Variants in SGCZ observed in about 807,000 individuals in gnomAD.
SGCZ encodes zeta-sarcoglycan.
A neutral mutation model predicts 41.3 loss-of-function variants in SGCZ; 40 were observed. The ratio of observed to expected loss-of-function variants is 0.97; its 90% CI spans 0.75 to 1.26. The LOEUF (loss-of-function observed/expected upper bound fraction) is 1.26. Among genes scored for constraint, SGCZ ranks in the 50% most tolerant of loss-of-function variants. The pLI is 0.00. For missense variants in SGCZ, 552 were observed against 369.8 expected (o/e 1.49, Z -4.04); for synonymous variants, 206 against 137.5 (o/e 1.50, Z -3.49).
chr8:14,392,341 A>G (rs1207939305), intron 2 of SGCZ, among the ~76,000 whole-genome samples: 1 of 152,172 alleles, frequency 6.6e-6, no homozygotes, highest in Non-Finnish European at 1.5e-5. Context: ...TGAAAAATTG[A>G]TTCTCAAATT....
intron 1 of SGCZ, among the ~76,000 whole-genome samples, chr8:15,052,028 G>T (rs972062353): frequency 6.6e-6 from 1 of 152,128 alleles, no homozygotes; most frequent in South Asian, 2.1e-4. Context: ...TCAAAGCTTG[G>T]ATGGTGAAGG....
In SGCZ at chr8:14,544,019, C is replaced by T. The variant is rs138450375; in HGVS notation, c.234+10713G>A. On this transcript the variant is annotated intron_variant, in intron 2 of 7. Coordinates refer to ENST00000382080, the MANE Select transcript of SGCZ (RefSeq NM_139167.4). ...ACCTATCAGCAGATGTAAGGAGCCC[C>T]GAGCACAGAGTAATTATTTGTAAGA... Among the ~76,000 whole-genome samples the T allele has an allele frequency of 1.7e-3, 260 of 152,106 alleles. 3 individuals are homozygous for T. In the Middle Eastern group the frequency reaches 0.031, roughly 18 times the overall value.
intron 3 of SGCZ, among the ~76,000 whole-genome samples, chr8:14,272,143 A>G (rs998446754): frequency 1.3e-5 from 2 of 152,136 alleles, no homozygotes; most frequent in Middle Eastern, 3.2e-3. Flanking sequence ...AGCTGGGACT[A>G]CAGGTGCCTG....
At chr8:14,816,610 A>G (rs117367739) in intron 1 of SGCZ, among the ~76,000 whole-genome samples, 1,980 of 152,324 alleles carry the variant, frequency 0.013, 24 homozygotes, top group Non-Finnish European at 0.021. Context: ...TCTCAGTTAT[A>G]CTAAGTTACT....
rs60391737 is a variant in SGCZ at position 15,015,471 on chromosome 8, G to A, written c.39+222114C>T. ...TCCCAGCACTTTGGGAGGCCAAGGC[G>A]GGTGGATCACGAGGTCAGCAGATGC... On this transcript the variant is annotated intron_variant, in intron 1 of 7. Transcript: ENST00000382080. 7.8e-3 allele frequency among the ~76,000 whole-genome samples: 1,181 copies of A among 152,058 alleles called. 22 individuals are homozygous for A. Among genetic ancestry groups the A allele is most frequent in the African/African-American group, 0.027 (1,125 of 41,466 alleles).
At chr8:14,799,667 C>T (rs556443816) in intron 1 of SGCZ, among the ~76,000 whole-genome samples, 10 of 150,718 alleles carry the variant, frequency 6.6e-5, no homozygotes, top group South Asian at 2.1e-4. Context: ...AAGGAGGGAG[C>T]GGCAAGGGCA....
chr8:14,548,340 T>G (rs942533500), intron 2 of SGCZ, among the ~76,000 whole-genome samples: 4 of 152,146 alleles, frequency 2.6e-5, no homozygotes, highest in African/African-American at 9.7e-5. Flanking sequence ...ACCAATTTTG[T>G]ATAAGAAAAT....
intron 1 of SGCZ, among the ~76,000 whole-genome samples, chr8:14,823,418 C>T (rs1474703148): frequency 6.6e-6 from 1 of 152,072 alleles, no homozygotes; most frequent in African/African-American, 2.4e-5. Flanking sequence ...AAATGGGCAA[C>T]AGACCTTAAC....
At chr8:14,686,142 T>A (rs1808603388) in intron 1 of SGCZ, among the ~76,000 whole-genome samples, 1 of 152,134 alleles carries the variant, frequency 6.6e-6, no homozygotes. Context: ...CTGAGCAATT[T>A]ATATAGAAAA....
intron 1 of SGCZ, among the ~76,000 whole-genome samples, chr8:15,218,262 G>C (rs975877905): frequency 5.9e-5 from 9 of 152,122 alleles, no homozygotes; most frequent in Admixed American, 6.5e-5. Flanking sequence ...AGATGGAAGA[G>C]TTATTTAAAA....
At chr8:15,090,432 C>G (rs748054625) in intron 1 of SGCZ, among the ~76,000 whole-genome samples, 20 of 152,182 alleles carry the variant, frequency 1.3e-4, no homozygotes, top group African/African-American at 2.4e-4. Flanking sequence ...GGTGTGGAAG[C>G]TCAGAGAATG....
intron 1 of SGCZ, among the ~76,000 whole-genome samples, chr8:14,763,043 A>G (rs778026834): frequency 1.3e-5 from 2 of 152,330 alleles, no homozygotes; most frequent in Admixed American, 6.5e-5. Context: ...GTCCAACACA[A>G]TAAGAATTAA....
intron 1 of SGCZ, among the ~76,000 whole-genome samples, chr8:14,568,040 A>G (rs893999864): frequency 2.6e-5 from 4 of 151,728 alleles, no homozygotes; most frequent in Non-Finnish European, 5.9e-5. Flanking sequence ...AATATGATCA[A>G]CCTCCTTTCA....
intron 1 of SGCZ, among the ~76,000 whole-genome samples, chr8:15,153,847 T>C (rs77041357): frequency 0.21 from 32,207 of 152,006 alleles, 3,806 homozygotes; most frequent in East Asian, 0.47. Context: ...TTATAATCCT[T>C]TATAAATCAG....
chr8:14,144,438 C>T (rs1373530719), intron 5 of SGCZ, among the ~76,000 whole-genome samples: 2 of 152,136 alleles, frequency 1.3e-5, no homozygotes, highest in African/African-American at 2.4e-5. Context: ...AACCTGCTAA[C>T]TGAAGAGCCC....
intron 4 of SGCZ, among the ~76,000 whole-genome samples, chr8:14,185,609 C>A (rs1209506509): frequency 1.3e-5 from 2 of 152,068 alleles, no homozygotes; most frequent in East Asian, 3.8e-4. Flanking sequence ...TCTCATAGTA[C>A]TTTTGTGAAA....
At chr8:14,960,874 G>A (rs1010746288) in intron 1 of SGCZ, among the ~76,000 whole-genome samples, 1 of 151,110 alleles carries the variant, frequency 6.6e-6, no homozygotes, top group African/African-American at 2.4e-5. Flanking sequence ...TTTGAAAGTG[G>A]AATTGTATTC....
chr8:14,463,856 G>T (rs568366652), intron 2 of SGCZ, among the ~76,000 whole-genome samples: 1 of 150,482 alleles, frequency 6.6e-6, no homozygotes, highest in East Asian at 1.9e-4. Flanking sequence ...ATGTTTGTTT[G>T]TTTCTGCATC....
chr8:14,123,074 C>T (rs768215409), intron 5 of SGCZ, among the ~76,000 whole-genome samples: 7 of 152,032 alleles, frequency 4.6e-5, no homozygotes, highest in Non-Finnish European at 7.4e-5. Context: ...AAAAGAAGAA[C>T]GACCAAATTA....
Sources: allele counts gnomAD v4.1 joint callset (sites outside exome capture counted in the v4.1 genomes callset), GRCh38; gene constraint gnomAD v4.1.1; transcripts MANE v1.5; gene names NCBI Gene and HGNC (gene_info 2026-07-23, HGNC 2026-07-21).